Variants in ASIC2 observed in about 807,000 individuals in gnomAD.
ASIC2 encodes the protein acid-sensing ion channel 2.
Under a neutral mutation model 57.3 loss-of-function variants are expected in ASIC2, and 25 were observed. That is an observed-to-expected ratio of 0.44 (90% CI 0.32 to 0.61). The LOEUF (loss-of-function observed/expected upper bound fraction) is 0.61. Among genes scored for constraint, ASIC2 ranks in the 20% least tolerant of loss-of-function variants. ASIC2 has a pLI of 0.06. For missense variants in ASIC2, 641 were observed against 738.1 expected, an observed-to-expected ratio of 0.87 and a Z score of 1.52; for synonymous variants, 319 against 307.5, an observed-to-expected ratio of 1.04 and a Z score of -0.39.
At chr17:33,926,437 A>T (rs12936264) in intron 1 of ASIC2, among the ~76,000 whole-genome samples, 46,355 of 152,100 alleles carry the variant, frequency 0.3, 7,736 homozygotes, top group Admixed American at 0.39. Flanking sequence ...CAAAATTTAT[A>T]TGTGTTTTAA....
rs147284700 is a variant in ASIC2 at position 34,089,887 on chromosome 17, T to A, written c.555+66091A>T. Among the ~76,000 whole-genome samples, 261 of 152,282 alleles carry A rather than the reference T, an allele frequency of 1.7e-3. 1 individual carries two copies. Among genetic ancestry groups the A allele is most frequent in the African/African-American group, 6.2e-3 (256 of 41,550 alleles). ...AGCCCAGCAGTCGTGGCAGCAGTGT[T>A]AATTTATTCATCCCTTAATACCAAA... On this transcript the variant is annotated intron_variant, in intron 1 of 9. Coordinates refer to the ASIC2 transcript ENST00000359872.
intron 1 of ASIC2, among the ~76,000 whole-genome samples, chr17:33,624,600 G>T (rs372964203): frequency 7.2e-5 from 11 of 152,238 alleles, no homozygotes; most frequent in African/African-American, 2.4e-4. Flanking sequence ...GAGAAGGAGC[G>T]TTGGAAGAAG....
intron 1 of ASIC2, among the ~76,000 whole-genome samples, chr17:33,898,380 C>T (rs750201172): frequency 1.5e-4 from 22 of 151,672 alleles, no homozygotes; most frequent in Non-Finnish European, 2.8e-4. Context: ...GGACTACAGG[C>T]GGATGCCACT....
chr17:33,217,059 C>G (rs1367370930), intron 1 of ASIC2, among the ~76,000 whole-genome samples: 1 of 152,124 alleles, frequency 6.6e-6, no homozygotes, highest in Non-Finnish European at 1.5e-5. Context: ...TTTGTCATTG[C>G]TAATTTATGT....
At chr17:33,097,858 G>C (rs911390603) in intron 2 of ASIC2, among the ~76,000 whole-genome samples, 2 of 152,160 alleles carry the variant, frequency 1.3e-5, no homozygotes, top group African/African-American at 4.8e-5. Context: ...GTCAACCAGA[G>C]GTGTCATTTT....
At chr17:34,088,355 G>A (rs553585576) in intron 1 of ASIC2, among the ~76,000 whole-genome samples, 66 of 152,288 alleles carry the variant, frequency 4.3e-4, no homozygotes, top group African/African-American at 1.2e-3. Flanking sequence ...GCAGAACAGC[G>A]GTTTTTCGTG....
Position 34,060,959 on chromosome 17 carries a change from C to T in ASIC2, c.555+95019G>A, listed in dbSNP as rs183521888. Among the ~76,000 whole-genome samples, 421 of 152,182 alleles carry T rather than the reference C, an allele frequency of 2.8e-3. 1 individual carries two copies. Among genetic ancestry groups the T allele is most frequent in the South Asian group, 3.9e-3 (19 of 4,820 alleles). On this transcript the variant is annotated intron_variant, in intron 1 of 9. Transcript: ENST00000359872. ...ATTGAGGACAACTTCCCTGGCCTTG[C>T]GAAAGACCTAGACACCCAAATACAA...
At chr17:33,025,892 C>A in intron 5 of ASIC2, 34 bp downstream of exon 5, 1 of 1,567,120 alleles carries the variant, frequency 6.4e-7, no homozygotes, top group Non-Finnish European at 8.6e-7. Flanking sequence ...AGGCCCCCGG[C>A]CCCCATGATT....
intron 1 of ASIC2, among the ~76,000 whole-genome samples, chr17:33,963,147 C>T (rs528852286): frequency 6.6e-6 from 1 of 152,262 alleles, no homozygotes; most frequent in East Asian, 1.9e-4. Flanking sequence ...CTCATAACTG[C>T]AGGAGTCAGG....
intron 1 of ASIC2, among the ~76,000 whole-genome samples, chr17:33,621,105 T>C (rs1170829638): frequency 1.3e-5 from 2 of 152,182 alleles, no homozygotes; most frequent in African/African-American, 4.8e-5. Flanking sequence ...CTTTCTCAGC[T>C]CCTTTCCCTA....
chr17:33,133,310 C>T (rs1482911878), intron 1 of ASIC2, among the ~76,000 whole-genome samples: 2 of 152,082 alleles, frequency 1.3e-5, no homozygotes. Context: ...GAGGGGTGCT[C>T]TGGGAGCAGT....
At chr17:33,019,311 G>A (rs1006917183) in intron 7 of ASIC2, among the ~76,000 whole-genome samples, 3 of 151,920 alleles carry the variant, frequency 2.0e-5, no homozygotes, top group Admixed American at 1.3e-4. Flanking sequence ...TGTGAGTGTG[G>A]GTCTGTGGAG....
rs141731479 is a variant in ASIC2 at position 33,552,516 on chromosome 17, C to T, written c.556-440449G>A. Among the ~76,000 whole-genome samples the T allele has an allele frequency of 1.2e-3, 185 of 152,304 alleles. 2 individuals carry two copies. The highest frequency in any genetic ancestry group is 4.3e-3 in the African/African-American group (179 of 41,564). On this transcript the variant is annotated intron_variant, in intron 1 of 9. Coordinates refer to the ASIC2 transcript ENST00000359872. The stretch of plus-strand genomic sequence containing the variant: ...CAACAGGGACTTGGTGTCCAGCAGA[C>T]GTGGGTTCCAGTTCCAGCTCTTGCA...
chr17:33,160,161 A>T (rs1905122413), intron 1 of ASIC2, among the ~76,000 whole-genome samples: 1 of 151,864 alleles, frequency 6.6e-6, no homozygotes, highest in South Asian at 2.1e-4. Flanking sequence ...GTGAGCCAAG[A>T]TCGCACCACT....
chr17:33,969,306 G>C (rs1449940796), intron 1 of ASIC2, among the ~76,000 whole-genome samples: 1 of 152,194 alleles, frequency 6.6e-6, no homozygotes, highest in African/African-American at 2.4e-5. Context: ...CATAGCCAAT[G>C]CTCAGTAAAT....
intron 3 of ASIC2, among the ~76,000 whole-genome samples, chr17:33,057,663 G>C (rs2092003410): frequency 6.6e-6 from 1 of 152,236 alleles, no homozygotes; most frequent in Non-Finnish European, 1.5e-5. Context: ...CTAAGCAGAA[G>C]CCCAGTGATT....
chr17:33,497,963 T>C (rs1291924871), intron 1 of ASIC2, among the ~76,000 whole-genome samples: 1 of 152,130 alleles, frequency 6.6e-6, no homozygotes, highest in Non-Finnish European at 1.5e-5. Flanking sequence ...GCAATCACAG[T>C]GGGTGGCTAT....
At chr17:33,877,083 CT>C (rs1175270692) in intron 1 of ASIC2, among the ~76,000 whole-genome samples, 16 of 152,304 alleles carry the variant, frequency 1.1e-4, no homozygotes, top group Non-Finnish European at 2.1e-4. Flanking sequence ...TAATTATTTT[CT>C]TTTTTTCTCC....
intron 1 of ASIC2, among the ~76,000 whole-genome samples, chr17:34,142,291 A>T (rs1463966775): frequency 6.6e-6 from 1 of 152,168 alleles, no homozygotes; most frequent in African/African-American, 2.4e-5. Context: ...CCCGTGAGGA[A>T]GGGGAAATAC....
Sources: allele counts gnomAD v4.1 joint callset (sites outside exome capture counted in the v4.1 genomes callset), GRCh38; gene constraint gnomAD v4.1.1; transcripts MANE v1.5; gene names NCBI Gene and HGNC (gene_info 2026-07-23, HGNC 2026-07-21).